The following VNN1 variants were observed in gnomAD, a reference collection of about 807,000 sequenced individuals.
The protein encoded by VNN1 is vanin 1, also known as pantetheinase.
In VNN1, 29 loss-of-function variants were observed where a neutral mutation model predicts 41.9. The observed-to-expected ratio is 0.69, with a 90% CI of 0.52 to 0.94. The LOEUF is 0.94. Among genes scored for constraint, VNN1 ranks in the 40% least tolerant of loss-of-function variants. VNN1 has a pLI of 0.00. For synonymous variants in VNN1, 233 were observed against 224.4 expected (o/e 1.04, Z -0.34); for missense variants, 637 against 621.1 (o/e 1.03, Z -0.27).
At chr6:132,696,641 A>C (rs553731431) in intron 2 of VNN1, among the ~76,000 whole-genome samples, 4 of 151,298 alleles carry the variant, frequency 2.6e-5, no homozygotes, top group Non-Finnish European at 5.9e-5. Flanking sequence ...TGGAGACCAC[A>C]AAGCATTGAG....
intron 2 of VNN1, among the ~76,000 whole-genome samples, chr6:132,696,918 AC>A (rs1218292466): frequency 1.3e-5 from 2 of 152,080 alleles, no homozygotes; most frequent in Non-Finnish European, 2.9e-5. Context: ...ATCCTGGCTA[AC>A]ACGGTGAAAC....
In VNN1 at chr6:132,692,183, T is replaced by C. The variant is rs748662646; in HGVS notation, c.1188+40A>G. Reference sequence around the variant, plus strand: ...TAAACTGTATATTTAACTGAGTGTCTTTATTTTATCCAGTAACTCTTCTGA... The same window carrying C: ...TAAACTGTATATTTAACTGAGTGTCCTTATTTTATCCAGTAACTCTTCTGA... On this transcript the variant is annotated intron_variant, in intron 5 of 6. Coordinates refer to ENST00000367928, the MANE Select transcript of VNN1 (RefSeq NM_004666.3). 35 of 1,508,064 alleles carry C rather than the reference T, an allele frequency of 2.3e-5. No individual in the cohort carries two copies. In the Admixed American group the frequency reaches 7.8e-4, roughly 34 times the overall value. The allele number at this position is 1,508,064 out of a possible 1,614,324, so 93.4% of individuals were successfully genotyped here.
chr6:132,700,124 A>T (rs1228537279), intron 2 of VNN1, among the ~76,000 whole-genome samples: 1 of 152,198 alleles, frequency 6.6e-6, no homozygotes. Context: ...ATCAATATGA[A>T]TTTGAATATT....
intron 2 of VNN1, among the ~76,000 whole-genome samples, chr6:132,706,456 C>A (rs187989561): frequency 2.7e-4 from 41 of 152,150 alleles, no homozygotes; most frequent in Admixed American, 2.7e-3. Flanking sequence ...TACCCATATG[C>A]GGAAGAATGA....
In VNN1 at chr6:132,700,376, A is replaced by T. The variant is rs45571134; in HGVS notation, c.342-6194T>A. ...AGAGCTCTGCCCCTCAGATGCTGTAAGGTGAAAGAGAGGGCCCTGACAAGG... is the reference window on the plus strand; with the variant it reads ...AGAGCTCTGCCCCTCAGATGCTGTATGGTGAAAGAGAGGGCCCTGACAAGG... On this transcript the variant is annotated intron_variant, in intron 2 of 6. Transcript: ENST00000367928. 2.3e-3 allele frequency among the ~76,000 whole-genome samples: 356 copies of T among 152,302 alleles called. 3 individuals are homozygous for T. The highest frequency in any genetic ancestry group is 8.2e-3 in the African/African-American group (342 of 41,550).
chr6:132,692,078 A>G, intron 5 of VNN1, 145 bp downstream of exon 5: 1 of 959,634 alleles, frequency 1.0e-6, no homozygotes, highest in Non-Finnish European at 1.4e-6. Flanking sequence ...TTGAATTTCA[A>G]ATAAACAACA....
Position 132,694,085 on chromosome 6 carries a change from T to C in VNN1, c.439A>G (p.Thr147Ala). ...ANIGDKKPCD[T>A]SDPQCPPDGR... is the part of the protein sequence containing the mutation. ...TCAGGGGGACACTGAGGATCACTGG[T>C]ATCGCATGGCTTCTTGTCCCCAATA... Residue 147 changes from threonine (T) to alanine (A), a missense_variant, in exon 3 of 7, where the codon ACC becomes GCC. Thr to Ala is a moderately conservative substitution (Grantham distance 58). Coordinates refer to ENST00000367928, the MANE Select transcript of VNN1 (RefSeq NM_004666.3). 6.2e-7 allele frequency: 1 copy of C among 1,614,184 alleles called. No homozygotes were observed. The highest frequency in any genetic ancestry group is 8.5e-7 in the Non-Finnish European group (1 of 1,180,014).
intron 5 of VNN1, among the ~76,000 whole-genome samples, chr6:132,686,274 C>A (rs1224185513): frequency 6.6e-6 from 1 of 152,024 alleles, no homozygotes; most frequent in Non-Finnish European, 1.5e-5. Flanking sequence ...TGGGGAAACC[C>A]CATCTGTACC....
chr6:132,711,728 G>T lies in VNN1; in HGVS notation c.322C>A (p.Pro108Thr), dbSNP rs769162556. Residue 108 changes from proline (P) to threonine (T), a missense_variant, in exon 2 of 7, where the codon CCC becomes ACC. Pro to Thr is a conservative substitution (Grantham distance 38). Coordinates refer to ENST00000367928, the MANE Select transcript of VNN1 (RefSeq NM_004666.3). ...DIPDPEVNWI[P>T]CNNRNRFGQT... ...CTTTACCTGTTACGATTATTACAGG[G>T]GATCCAGTTTACTTCAGGGTCTGGG... The T allele has an allele frequency of 6.2e-7, 1 of 1,612,690 alleles. No homozygotes were observed. The highest frequency in any genetic ancestry group is 1.1e-5 in the South Asian group (1 of 90,752).
rs45458697 is a variant in VNN1 at position 132,692,587 on chromosome 6, G to A, written c.827-3C>T. The A allele has an allele frequency of 5.2e-3, 8,147 of 1,555,458 alleles. 376 individuals carry two copies. The African/African-American group carries it at 0.099, about 19-fold the overall frequency. On this transcript the variant is annotated splice_polypyrimidine_tract_variant and splice_region_variant and intron_variant, in intron 4 of 6. Transcript: ENST00000367928. Reference sequence around the variant, plus strand: ...ATTGGGTGCATAGATGCCACTTCCTGGAAGTAATAAGTTGAAAACATCATT... The same window carrying A: ...ATTGGGTGCATAGATGCCACTTCCTAGAAGTAATAAGTTGAAAACATCATT...
intron 2 of VNN1, among the ~76,000 whole-genome samples, chr6:132,700,695 A>C (rs1423717356): frequency 6.6e-6 from 1 of 152,216 alleles, no homozygotes; most frequent in Non-Finnish European, 1.5e-5. Context: ...ATCTCCATTT[A>C]AATTTCTTAA....
chr6:132,708,178 A>G (rs1274279205), intron 2 of VNN1, among the ~76,000 whole-genome samples: 1 of 152,206 alleles, frequency 6.6e-6, no homozygotes, highest in Non-Finnish European at 1.5e-5. Flanking sequence ...GAAATATGCA[A>G]GCTTTCTTCT....
chr6:132,713,793 T>A, intron 1 of VNN1, 33 bp downstream of exon 1: 3 of 1,609,400 alleles, frequency 1.9e-6, no homozygotes, highest in Non-Finnish European at 8.5e-7. Context: ...TCTCATAGAA[T>A]CCAGTACACT....
chr6:132,702,663 A>ACTTTGT (rs1778464173), intron 2 of VNN1, among the ~76,000 whole-genome samples: 1 of 152,190 alleles, frequency 6.6e-6, no homozygotes, highest in Non-Finnish European at 1.5e-5. Flanking sequence ...TTGTCTTGCA[A>ACTTTGT]CTTGGATAAC....
chr6:132,696,844 C>G (rs1582772876), intron 2 of VNN1, among the ~76,000 whole-genome samples: 1 of 151,928 alleles, frequency 6.6e-6, no homozygotes, highest in East Asian at 1.9e-4. Flanking sequence ...TGGCTCACGC[C>G]TGTAATCCTA....
chr6:132,712,498 C>T (rs1300532222), intron 1 of VNN1, among the ~76,000 whole-genome samples: 1 of 152,166 alleles, frequency 6.6e-6, no homozygotes, highest in Non-Finnish European at 1.5e-5. Context: ...TTTCCTATGG[C>T]AGTCGTTAAC....
At position 132,705,415 on chromosome 6, in the gene VNN1, C is replaced by A. The variant is rs544618744; in HGVS notation, c.341+6294G>T. ...CACATCATATCAACAGAATGAAGAACAAAAACCAAATGGTCATTTCAATTG... is the reference window on the plus strand; with the variant it reads ...CACATCATATCAACAGAATGAAGAAAAAAAACCAAATGGTCATTTCAATTG... On this transcript the variant is annotated intron_variant, in intron 2 of 6. Transcript: ENST00000367928. 7.2e-5 allele frequency among the ~76,000 whole-genome samples: 11 copies of A among 152,210 alleles called. No homozygotes were observed. The South Asian group carries it at 2.3e-3, about 32-fold the overall frequency.
intron 5 of VNN1, among the ~76,000 whole-genome samples, chr6:132,686,332 C>T (rs1778207505): frequency 6.6e-6 from 1 of 152,096 alleles, no homozygotes; most frequent in African/African-American, 2.4e-5. Flanking sequence ...CCTGTAATCC[C>T]AGCTACTCGG....
chr6:132,707,709 A>C (rs1467598791), intron 2 of VNN1, among the ~76,000 whole-genome samples: 1 of 152,216 alleles, frequency 6.6e-6, no homozygotes, highest in Non-Finnish European at 1.5e-5. Context: ...GGGATCTGAA[A>C]ATCAAAACAA....
Sources: allele counts gnomAD v4.1 joint callset (sites outside exome capture counted in the v4.1 genomes callset), GRCh38; gene constraint gnomAD v4.1.1; transcripts MANE v1.5; gene names NCBI Gene and HGNC (gene_info 2026-07-23, HGNC 2026-07-21).